Variants in FAM193A observed in about 807,000 individuals in gnomAD.
FAM193A encodes the protein family with sequence similarity 193 member A.
Under a neutral mutation model 126.5 loss-of-function variants are expected in FAM193A, and 22 were observed. The ratio of observed to expected loss-of-function variants is 0.17; its 90% CI spans 0.12 to 0.25. FAM193A has a LOEUF of 0.25. Ranked by LOEUF, FAM193A falls within the 10% of genes least tolerant of loss-of-function variation. The pLI is 1.00. For synonymous variants in FAM193A, 761 were observed against 646.8 expected (o/e 1.18, Z -2.68); for missense variants, 1,675 against 1,672.8 (o/e 1.00, Z -0.02).
intron 19 of FAM193A, among the ~76,000 whole-genome samples, chr4:2,708,859 T>C (rs890946841): frequency 3.9e-5 from 6 of 152,198 alleles, no homozygotes; most frequent in Non-Finnish European, 8.8e-5. Flanking sequence ...ATTATATATG[T>C]GTACAAATAG....
At chr4:2,543,869 CAAAAAAAAAA>C (rs71178473) in intron 1 of FAM193A, among the ~76,000 whole-genome samples, 3 of 71,756 alleles carry the variant, frequency 4.2e-5, no homozygotes, top group South Asian at 7.7e-4. Context: ...GACATTGTCT[CAAAAAAAAAA>C]AAAAAAAAAA....
At chr4:2,678,909 T>G (rs1014330903) in intron 13 of FAM193A, among the ~76,000 whole-genome samples, 5 of 152,244 alleles carry the variant, frequency 3.3e-5, no homozygotes, top group Non-Finnish European at 7.3e-5. Flanking sequence ...TTAGATGCCT[T>G]TTATTTCTTT....
chr4:2,679,540 C>T (rs966802705), intron 13 of FAM193A, among the ~76,000 whole-genome samples: 2 of 151,506 alleles, frequency 1.3e-5, no homozygotes, highest in Non-Finnish European at 2.9e-5. Context: ...CCACGAGGCC[C>T]GGCTAATTTT....
chr4:2,622,891 G>A (rs561297489), intron 2 of FAM193A, among the ~76,000 whole-genome samples: 3 of 152,046 alleles, frequency 2.0e-5, no homozygotes, highest in African/African-American at 4.8e-5. Context: ...GAACGGGGGC[G>A]GGCGGGGGCA....
chr4:2,572,228 C>T (rs1739333416), intron 1 of FAM193A, among the ~76,000 whole-genome samples: 1 of 149,452 alleles, frequency 6.7e-6, no homozygotes, highest in Admixed American at 6.7e-5. Context: ...ATTGGGGAGG[C>T]TGGGGCAGGA....
chr4:2,631,320 T>C (rs1043296144), intron 5 of FAM193A, 151 bp downstream of exon 5: 2 of 673,582 alleles, frequency 3.0e-6, no homozygotes, highest in African/African-American at 3.6e-5. Context: ...AGGACCTGTT[T>C]CCTCTCCTCT....
chr4:2,724,047 CT>C (rs1720462958), intron 20 of FAM193A, among the ~76,000 whole-genome samples: 3 of 148,614 alleles, frequency 2.0e-5, no homozygotes, highest in African/African-American at 7.5e-5. Flanking sequence ...TTTTTTTCAG[CT>C]TACTCAAAAG....
intron 19 of FAM193A, chr4:2,708,292 A>AT (rs1718535278): frequency 5.8e-6 from 2 of 344,002 alleles, no homozygotes; most frequent in Non-Finnish European, 1.2e-5. Flanking sequence ...TGCCCAGCTA[A>AT]TTTTTTGTAT....
At chr4:2,652,673 C>G (rs1745789769) in intron 7 of FAM193A, among the ~76,000 whole-genome samples, 1 of 152,166 alleles carries the variant, frequency 6.6e-6, no homozygotes. Context: ...TGATCACCTC[C>G]CACCAGGCCC....
intron 14 of FAM193A, 72 bp downstream of exon 14, chr4:2,689,776 C>T (rs940254253): frequency 9.0e-7 from 1 of 1,107,414 alleles, no homozygotes; most frequent in Non-Finnish European, 1.3e-6. Context: ...GCCGTAGTCT[C>T]CCGTGGAAGC....
At chr4:2,728,933 C>G (rs1172535835) in intron 20 of FAM193A, among the ~76,000 whole-genome samples, 2 of 105,094 alleles carry the variant, frequency 1.9e-5, no homozygotes, top group Non-Finnish European at 3.5e-5. Flanking sequence ...GGTGGGAGCA[C>G]AAAGTCTGGT....
Position 2,663,243 on chromosome 4 carries a change from G to T in FAM193A, c.2034G>T (p.Glu678Asp). 5 of 1,613,380 alleles carry T rather than the reference G, an allele frequency of 3.1e-6. No individual in the cohort carries two copies. Among genetic ancestry groups the T allele is most frequent in the South Asian group, 1.1e-5 (1 of 90,992 alleles). ...GVLGSRSPRTEESKADSPPPS... is the reference protein window; with the variant it reads ...GVLGSRSPRTDESKADSPPPS... ...TGGGAAGCAGGAGCCCCAGGACAGA[G>T]GAGAGCAAAGCAGACAGTCCACCCC... Residue 678 changes from glutamate to aspartate, a missense_variant, in exon 12 of 21, where the codon GAG (glutamate) becomes GAT (aspartate). Coordinates refer to ENST00000637812, the MANE Select transcript of FAM193A (RefSeq NM_001366318.2).
At chr4:2,594,839 T>TTTG (rs1740769434) in intron 1 of FAM193A, among the ~76,000 whole-genome samples, 2 of 137,164 alleles carry the variant, frequency 1.5e-5, no homozygotes, top group African/African-American at 5.6e-5. Flanking sequence ...TTTTTTTTTT[T>TTTG]TTTTTTTGAG....
At chr4:2,539,273 G>A (rs539438107) in intron 1 of FAM193A, among the ~76,000 whole-genome samples, 1 of 152,188 alleles carries the variant, frequency 6.6e-6, no homozygotes, top group Non-Finnish European at 1.5e-5. Context: ...TTGCTATGTT[G>A]CCTAGGCTGG....
At chr4:2,639,631 G>A (rs550998334) in intron 5 of FAM193A, 104 bp from the exon 6 acceptor site, 31 of 778,936 alleles carry the variant, frequency 4.0e-5, no homozygotes, top group East Asian at 1.6e-4. Context: ...GGATGTGTGC[G>A]TGGTGGGGGG....
chr4:2,694,716 C>T (rs552741563), intron 16 of FAM193A, among the ~76,000 whole-genome samples: 2 of 152,268 alleles, frequency 1.3e-5, no homozygotes, highest in African/African-American at 2.4e-5. Flanking sequence ...TGTTCAGTGG[C>T]GCTCTGTGAG....
intron 2 of FAM193A, among the ~76,000 whole-genome samples, chr4:2,622,319 C>T (rs76640766): frequency 2.8e-3 from 422 of 150,900 alleles, no homozygotes; most frequent in African/African-American, 7.8e-3. Context: ...AAAGCCTCTT[C>T]CCCTCATGTT....
intron 2 of FAM193A, among the ~76,000 whole-genome samples, chr4:2,606,223 G>A (rs985806185): frequency 6.6e-6 from 1 of 151,378 alleles, no homozygotes; most frequent in African/African-American, 2.4e-5. Flanking sequence ...GCTAATTTTT[G>A]TATTTTTGGT....
At chr4:2,633,970 A>G (rs1430827480) in intron 5 of FAM193A, among the ~76,000 whole-genome samples, 3 of 152,182 alleles carry the variant, frequency 2.0e-5, no homozygotes, top group Non-Finnish European at 2.9e-5. Flanking sequence ...TGAAAAACCA[A>G]TTGAAAGCTG....
Sources: gnomAD v4.1 joint callset for allele counts (sites outside exome capture counted in the v4.1 genomes callset) on GRCh38, gnomAD v4.1.1 for gene constraint, MANE v1.5 for transcripts, NCBI Gene and HGNC (gene_info 2026-07-23, HGNC 2026-07-21) for gene names.